CEMIP: variants seen among roughly 807,000 people sequenced by gnomAD.
CEMIP encodes the protein cell migration inducing hyaluronidase 1.
A neutral mutation model predicts 156.9 loss-of-function variants in CEMIP; 105 were observed. The observed-to-expected ratio is 0.67, with a 90% CI of 0.57 to 0.79. CEMIP has a LOEUF of 0.79. Ranked by LOEUF, CEMIP falls within the 30% of genes least tolerant of loss-of-function variation. The pLI is 0.00. For synonymous variants in CEMIP, 676 were observed against 668.4 expected, an observed-to-expected ratio of 1.01 and a Z score of -0.17; for missense variants, 1,457 against 1,769.4, an observed-to-expected ratio of 0.82 and a Z score of 3.17.
At chr15:80,872,578 C>A (rs1898332849) in intron 1 of CEMIP, among the ~76,000 whole-genome samples, 1 of 152,156 alleles carries the variant, frequency 6.6e-6, no homozygotes, top group South Asian at 2.1e-4. Context: ...CGCCTGTAAT[C>A]CCAACACTTT....
At chr15:80,859,876 CT>C (rs1372610434) in intron 1 of CEMIP, among the ~76,000 whole-genome samples, 1 of 152,206 alleles carries the variant, frequency 6.6e-6, no homozygotes, top group Non-Finnish European at 1.5e-5. Context: ...GCATCAGAAT[CT>C]TTCAGGGTGT....
At chr15:80,925,068 CA>C (rs951250463) in intron 18 of CEMIP, among the ~76,000 whole-genome samples, 17 of 152,180 alleles carry the variant, frequency 1.1e-4, no homozygotes, top group Admixed American at 1.1e-3. Context: ...AAAGAACATG[CA>C]AGTCATGCCT....
At chr15:80,901,147 C>A (rs542284206) in intron 12 of CEMIP, among the ~76,000 whole-genome samples, 1 of 152,110 alleles carries the variant, frequency 6.6e-6, no homozygotes, top group Non-Finnish European at 1.5e-5. Flanking sequence ...CCCATAAACA[C>A]CCCCCACATC....
chr15:80,933,420 C>G lies in CEMIP; in HGVS notation c.2969C>G (p.Pro990Arg). The part of the protein sequence containing the change: ...LVRHPDCINV[P>R]DWRGAICSGC... Reference sequence around the variant, plus strand: ...CGGCACCCAGACTGCATCAATGTTCCCGACTGGAGAGGGGCCATTTGCAGT... The same window carrying G: ...CGGCACCCAGACTGCATCAATGTTCGCGACTGGAGAGGGGCCATTTGCAGT... The change falls in exon 23 of 30, where the codon CCC becomes CGC. Residue 990 changes from proline to arginine, a missense_variant. Physicochemically the swap from Pro to Arg is moderately radical, Grantham distance 103. This residue lies in a region of CEMIP where 798 missense variants were observed against 980.1 expected (regional missense o/e 0.81). Coordinates refer to ENST00000394685, the MANE Select transcript of CEMIP (RefSeq NM_001293298.2). 1 of 1,614,164 alleles carries G rather than the reference C, an allele frequency of 6.2e-7. No homozygotes were observed. The highest frequency in any genetic ancestry group is 8.5e-7 in the Non-Finnish European group (1 of 1,180,040).
chr15:80,937,254 C>G (rs947339055), intron 24 of CEMIP, among the ~76,000 whole-genome samples: 1 of 152,218 alleles, frequency 6.6e-6, no homozygotes, highest in Non-Finnish European at 1.5e-5. Flanking sequence ...TTGTTGTTAC[C>G]ATCCTACAGA....
At chr15:80,875,780 C>T (rs985233305) in intron 3 of CEMIP, among the ~76,000 whole-genome samples, 2 of 152,184 alleles carry the variant, frequency 1.3e-5, no homozygotes, top group African/African-American at 4.8e-5. Flanking sequence ...AGCCCTGGCC[C>T]TCTTCAGACA....
chr15:80,924,772 T>C (rs1900597380), intron 18 of CEMIP, 66 bp downstream of exon 18: 2 of 1,316,738 alleles, frequency 1.5e-6, no homozygotes, highest in Admixed American at 3.5e-5. Context: ...CTCCCCCTCC[T>C]TCAATCACTC....
chr15:80,848,349 G>T (rs756582260), intron 1 of CEMIP, among the ~76,000 whole-genome samples: 1 of 152,132 alleles, frequency 6.6e-6, no homozygotes, highest in Non-Finnish European at 1.5e-5. Flanking sequence ...CTGGACAGCC[G>T]CCCCTCAACT....
intron 1 of CEMIP, among the ~76,000 whole-genome samples, chr15:80,796,995 A>G (rs753299105): frequency 6.6e-6 from 1 of 152,176 alleles, no homozygotes; most frequent in Non-Finnish European, 1.5e-5. Flanking sequence ...TAAAGGAGCT[A>G]TGAGTGGCTC....
intron 1 of CEMIP, among the ~76,000 whole-genome samples, chr15:80,844,998 T>C (rs1335168885): frequency 1.3e-5 from 2 of 152,220 alleles, no homozygotes; most frequent in African/African-American, 4.8e-5. Flanking sequence ...TAAGTATGAA[T>C]GATTTGTAAA....
Position 80,906,459 on chromosome 15 carries a change from A to T in CEMIP, c.1412-204A>T, listed in dbSNP as rs557789850. Among the ~76,000 whole-genome samples the T allele has an allele frequency of 6.6e-6, 1 of 152,350 alleles. No individual in the cohort carries two copies. Among genetic ancestry groups the T allele is most frequent in the South Asian group, 2.1e-4 (1 of 4,832 alleles). ...ATTTCTGCCAAAGGCTTCAGACCTA[A>T]GCCTGTGTAACTGTGAGATCTGGGT... On this transcript the variant is annotated intron_variant, in intron 12 of 29. Transcript: ENST00000394685. The surrounding 1 kb of genome is among the most constrained non-coding windows in gnomAD (Gnocchi z 4.3).
chr15:80,911,897 GGCTGGGAGAGGCTGGGATT>G (rs368952159), intron 14 of CEMIP, among the ~76,000 whole-genome samples: 2,807 of 138,978 alleles, frequency 0.02, 103 homozygotes, highest in African/African-American at 0.071. Context: ...CAGGGCTGGA[GGCTGGGAGAGGCTGGGATT>G]GCTGGGAGAG....
intron 21 of CEMIP, among the ~76,000 whole-genome samples, chr15:80,929,828 C>T (rs1313128539): frequency 1.3e-5 from 2 of 152,162 alleles, no homozygotes; most frequent in South Asian, 2.1e-4. Flanking sequence ...CTGGTTTCTG[C>T]GGCTGGGGGA....
rs1900493213 is a variant in CEMIP, at chr15:80,922,052, C to T, written c.2117C>T (p.Pro706Leu). 1 of 1,614,144 alleles carries T rather than the reference C, an allele frequency of 6.2e-7. No homozygotes were observed. ...WFIFHHVPTG[P>L]SVGMYSPGYS... ...ATTTTTCACCACGTACCAACGGGCC[C>T]CTCCGTGGGAATGTACTCCCCAGGT... Residue 706 changes from proline (P) to leucine (L), a missense_variant, in exon 17 of 30, where the codon CCC becomes CTC. Transcript: ENST00000394685.
intron 1 of CEMIP, among the ~76,000 whole-genome samples, chr15:80,818,190 T>A (rs1896830201): frequency 1.3e-5 from 2 of 152,230 alleles, no homozygotes; most frequent in South Asian, 4.1e-4. Flanking sequence ...AGCAAGGAGA[T>A]ACTGTCTCTC....
At chr15:80,786,742 C>T (rs948533399) in intron 1 of CEMIP, among the ~76,000 whole-genome samples, 4 of 152,216 alleles carry the variant, frequency 2.6e-5, no homozygotes, top group Non-Finnish European at 2.9e-5. Context: ...CAGGAAACTC[C>T]AACCTGTAGC....
At chr15:80,858,500 G>A (rs548853415) in intron 1 of CEMIP, among the ~76,000 whole-genome samples, 73 of 151,836 alleles carry the variant, frequency 4.8e-4, no homozygotes, top group African/African-American at 1.6e-3. Context: ...GATCACCTGA[G>A]GTCAGGAGTT....
intron 25 of CEMIP, among the ~76,000 whole-genome samples, chr15:80,940,901 C>T (rs1901311000): frequency 6.6e-6 from 1 of 152,222 alleles, no homozygotes; most frequent in Non-Finnish European, 1.5e-5. Context: ...CTCGCGATTC[C>T]TTAGCAGGCA....
At chr15:80,944,770 G>T (rs1247346329) in intron 28 of CEMIP, among the ~76,000 whole-genome samples, 2 of 152,144 alleles carry the variant, frequency 1.3e-5, no homozygotes, top group Non-Finnish European at 2.9e-5. Context: ...TGACGTTTTG[G>T]GCAGAGAATT....
Sources: gnomAD v4.1 joint callset for allele counts (sites outside exome capture counted in the v4.1 genomes callset) on GRCh38, gnomAD v4.1.1 for gene constraint, gnomAD v4.1.1 regional missense constraint, Gnocchi (gnomAD v3.1) non-coding constraint, MANE v1.5 for transcripts, NCBI Gene and HGNC (gene_info 2026-07-23, HGNC 2026-07-21) for gene names.